Variants in PTPRT observed in about 807,000 individuals in gnomAD.
The protein encoded by PTPRT is receptor-type tyrosine-protein phosphatase T.
Under a neutral mutation model 176.8 loss-of-function variants are expected in PTPRT, and 56 were observed. The ratio of observed to expected loss-of-function variants is 0.32; its 90% CI spans 0.26 to 0.40. PTPRT has a LOEUF of 0.40. Among genes scored for constraint, PTPRT ranks in the 10% least tolerant of loss-of-function variants. PTPRT has a pLI of 1.00. For synonymous variants in PTPRT, 783 were observed against 739.0 expected (o/e 1.06, Z -0.96); for missense variants, 1,540 against 1,908.2 (o/e 0.81, Z 3.60).
chr20:42,974,829 C>T (rs1053683502), intron 1 of PTPRT, among the ~76,000 whole-genome samples: 1 of 152,188 alleles, frequency 6.6e-6, no homozygotes, highest in African/African-American at 2.4e-5. Context: ...TCCAGCACTA[C>T]CCCCAATGGT....
chr20:42,399,301 A>AT (rs1289798192), intron 9 of PTPRT, among the ~76,000 whole-genome samples: 2 of 152,226 alleles, frequency 1.3e-5, no homozygotes, highest in African/African-American at 4.8e-5. Flanking sequence ...ATTGTAACAG[A>AT]TTATCTATCA....
intron 20 of PTPRT, among the ~76,000 whole-genome samples, chr20:42,119,160 A>G (rs945389399): frequency 6.6e-6 from 1 of 151,976 alleles, no homozygotes; most frequent in Non-Finnish European, 1.5e-5. Context: ...TGTTTGATAT[A>G]AAAGTTTGAA....
At chr20:42,423,902 C>CATATGTAT (rs2145778886) in intron 9 of PTPRT, among the ~76,000 whole-genome samples, 1 of 152,176 alleles carries the variant, frequency 6.6e-6, no homozygotes, top group South Asian at 2.1e-4. Context: ...AGAAAAATTT[C>CATATGTAT]ATATGTATAT....
chr20:43,146,649 T>C (rs1326395738), intron 1 of PTPRT, among the ~76,000 whole-genome samples: 1 of 151,992 alleles, frequency 6.6e-6, no homozygotes, highest in Admixed American at 6.6e-5. Flanking sequence ...AAAGACTGTC[T>C]GGGGGTACTG....
intron 9 of PTPRT, among the ~76,000 whole-genome samples, chr20:42,357,447 T>C (rs989168343): frequency 7.2e-5 from 11 of 152,342 alleles, no homozygotes; most frequent in African/African-American, 2.2e-4. Flanking sequence ...AAATTAGCTG[T>C]GTAGCTTGAG....
chr20:42,230,025 A>T lies in PTPRT; in HGVS notation c.2342+6204T>A, dbSNP rs546032902. Among the ~76,000 whole-genome samples the T allele has an allele frequency of 2.4e-4, 36 of 152,284 alleles. 1 individual carries two copies. The South Asian group carries it at 7.1e-3, about 30-fold the overall frequency. On this transcript the variant is annotated intron_variant, in intron 15 of 30. Transcript: ENST00000373187. The stretch of plus-strand genomic sequence containing the variant: ...ACCCTAATGAGCAAGCAACATCCTT[A>T]AGACAAATTTGCTCCTGCCCATAAC...
intron 15 of PTPRT, among the ~76,000 whole-genome samples, chr20:42,235,251 TTTATTATTA>T (rs34004795): frequency 6.6e-6 from 1 of 150,426 alleles, no homozygotes; most frequent in Non-Finnish European, 1.5e-5. Context: ...GTTGTTGTTA[TTTATTATTA>T]TTATTATTAT....
In PTPRT at chr20:42,163,046, G is replaced by A. The variant is rs1039821347; in HGVS notation, c.2492-1504C>T. Among the ~76,000 whole-genome samples the A allele has an allele frequency of 3.3e-5, 5 of 152,150 alleles. No homozygotes were observed. In the East Asian group the frequency reaches 7.7e-4, roughly 23 times the overall value. Reference sequence around the variant, plus strand: ...CAGTCATGGGCACACAGGAATGGTTGGTCACCCTAATGCTTTCACTTATAT... The same window carrying A: ...CAGTCATGGGCACACAGGAATGGTTAGTCACCCTAATGCTTTCACTTATAT... On this transcript the variant is annotated intron_variant, in intron 16 of 30. Transcript: ENST00000373187.
At chr20:42,809,612 C>T (rs2077665064) in intron 2 of PTPRT, among the ~76,000 whole-genome samples, 1 of 152,120 alleles carries the variant, frequency 6.6e-6, no homozygotes, top group Non-Finnish European at 1.5e-5. Context: ...GTCGGCAGGG[C>T]CGTGGGGGAA....
At chr20:42,763,367 C>A (rs1349146857) in intron 5 of PTPRT, among the ~76,000 whole-genome samples, 1 of 152,098 alleles carries the variant, frequency 6.6e-6, no homozygotes, top group Non-Finnish European at 1.5e-5. Flanking sequence ...TCTGGTTTTG[C>A]ACAACAGATA....
intron 1 of PTPRT, among the ~76,000 whole-genome samples, chr20:43,185,891 C>T (rs1323120007): frequency 1.3e-5 from 2 of 151,914 alleles, no homozygotes; most frequent in Non-Finnish European, 2.9e-5. Flanking sequence ...AAGACTGCAC[C>T]ACTGCACTCC....
intron 7 of PTPRT, among the ~76,000 whole-genome samples, chr20:42,641,115 T>C (rs1355082305): frequency 6.6e-6 from 1 of 152,190 alleles, no homozygotes; most frequent in African/African-American, 2.4e-5. Context: ...CAATTTTTGC[T>C]ACCATAAATT....
chr20:42,570,017 T>G (rs1015793112), intron 7 of PTPRT, among the ~76,000 whole-genome samples: 6 of 152,206 alleles, frequency 3.9e-5, no homozygotes, highest in African/African-American at 1.2e-4. Flanking sequence ...ATAGAAAGAA[T>G]GAAGCTAGTA....
At chr20:43,118,414 C>T (rs968023374) in intron 1 of PTPRT, among the ~76,000 whole-genome samples, 3 of 152,226 alleles carry the variant, frequency 2.0e-5, no homozygotes, top group Admixed American at 6.5e-5. Flanking sequence ...ATCCTCCTCA[C>T]GGGTCGATGA....
chr20:42,397,085 G>A lies in PTPRT; in HGVS notation c.1561-44800C>T, dbSNP rs535848800. On this transcript the variant is annotated intron_variant, in intron 9 of 30. Transcript: ENST00000373187. The stretch of plus-strand genomic sequence containing the variant: ...ACTATATATTCATTTACTATCTGTC[G>A]CACTCAACTAGAACATAAGCTCCAG... Among the ~76,000 whole-genome samples the A allele has an allele frequency of 3.9e-5, 6 of 151,994 alleles. No individual in the cohort carries two copies. In the South Asian group the frequency reaches 6.2e-4, roughly 16 times the overall value.
intron 1 of PTPRT, among the ~76,000 whole-genome samples, chr20:43,052,726 C>T (rs1414362980): frequency 6.6e-6 from 1 of 152,160 alleles, no homozygotes; most frequent in Admixed American, 6.5e-5. Flanking sequence ...CAACCATTGC[C>T]ACAGCCAATT....
intron 19 of PTPRT, among the ~76,000 whole-genome samples, chr20:42,124,898 C>T (rs143220318): frequency 6.6e-5 from 10 of 152,266 alleles, no homozygotes; most frequent in South Asian, 4.2e-4. Context: ...GTATGGATCG[C>T]GCCATGGGCT....
intron 9 of PTPRT, among the ~76,000 whole-genome samples, chr20:42,386,735 C>T (rs1030981193): frequency 2.0e-5 from 3 of 152,116 alleles, no homozygotes. Context: ...GTGGTGGACG[C>T]CTGTAATCCC....
the PTPRT span, among the ~76,000 whole-genome samples, chr20:42,058,965 C>G: frequency 3.3e-5 from 5 of 152,166 alleles, no homozygotes; most frequent in Non-Finnish European, 5.9e-5. Flanking sequence ...GGAGGCTACA[C>G]ACTAGAATCA....
Sources: allele counts gnomAD v4.1 joint callset (sites outside exome capture counted in the v4.1 genomes callset), GRCh38; gene constraint gnomAD v4.1.1; transcripts MANE v1.5; gene names NCBI Gene and HGNC (gene_info 2026-07-23, HGNC 2026-07-21).